Variants in TTYH1 observed in about 807,000 individuals in gnomAD.
TTYH1 encodes protein tweety homolog 1.
In TTYH1, 33 loss-of-function variants were observed where a neutral mutation model predicts 61.2. That is an observed-to-expected ratio of 0.54 (90% CI 0.41 to 0.72). The LOEUF (loss-of-function observed/expected upper bound fraction) is 0.72. TTYH1 is among the 30% of genes least tolerant of loss of function. TTYH1 has a pLI of 0.00. For synonymous variants in TTYH1, 308 were observed against 266.4 expected, an observed-to-expected ratio of 1.16 and a Z score of -1.52; for missense variants, 538 against 575.8, an observed-to-expected ratio of 0.93 and a Z score of 0.67.
chr19:54,432,094 G>C (rs148868916), intron 10 of TTYH1: 1 of 152,074 alleles, frequency 6.6e-6, no homozygotes, highest in Non-Finnish European at 1.5e-5. Flanking sequence ...GGTGGTGGGC[G>C]CCTATAATCC....
chr19:54,421,109 C>CG lies in TTYH1; in HGVS notation c.306-163dup, dbSNP rs1378921587. On this transcript the variant is annotated intron_variant, in intron 2 of 13. Transcript: ENST00000376530. This position sits in a 1 kb window ranked among gnomAD's most constrained non-coding sequence, Gnocchi z 4.8. ...GCCTTCCCGTTCCCTTGGCAACCGA[C>CG]GGGGGCCAGGCTGAAGTCGCCCTTT... Among the ~76,000 whole-genome samples the CG allele has an allele frequency of 6.7e-5, 10 of 149,910 alleles. No individual in the cohort carries two copies. Among genetic ancestry groups the CG allele is most frequent in the East Asian group, 6.2e-4 (3 of 4,856 alleles).
intron 4 of TTYH1, among the ~76,000 whole-genome samples, chr19:54,423,746 G>A (rs191884662): frequency 1.3e-4 from 20 of 152,158 alleles, no homozygotes; most frequent in Non-Finnish European, 2.4e-4. Flanking sequence ...CCCGGTGGCG[G>A]GCCGGGCAGT....
intron 10 of TTYH1, among the ~76,000 whole-genome samples, chr19:54,433,935 A>T (rs531074134): frequency 6.6e-5 from 10 of 152,100 alleles, no homozygotes; most frequent in Admixed American, 5.9e-4. Context: ...GTGAGGATGA[A>T]GGACAGTGTG....
In TTYH1 at chr19:54,419,854, G is replaced by A. The variant is rs1002492392; in HGVS notation, c.305+548G>A. On this transcript the variant is annotated intron_variant, in intron 2 of 13. Coordinates refer to ENST00000376530, the MANE Select transcript of TTYH1 (RefSeq NM_020659.4). The surrounding 1 kb of genome is among the most constrained non-coding windows in gnomAD (Gnocchi z 6.1). ...GACCAAGCCAGGCAAGGAGCCCCTC[G>A]TGCAGCTTATGTTCTAATCAGGGAG... 8.5e-5 allele frequency among the ~76,000 whole-genome samples: 13 copies of A among 152,262 alleles called. No homozygotes were observed. Among genetic ancestry groups the A allele is most frequent in the African/African-American group, 1.2e-4 (5 of 41,540 alleles).
At chr19:54,435,899 G>C in intron 12 of TTYH1, 26 bp downstream of exon 12, 1 of 1,612,014 alleles carries the variant, frequency 6.2e-7, no homozygotes, top group South Asian at 1.1e-5. Flanking sequence ...GTCTGAGGGA[G>C]GAGGGGCGGG....
chr19:54,429,404 G>T lies in TTYH1; in HGVS notation c.807+25G>T. ...GGTGAGTGCCAGGGCCGGGCCATTGGGCTCTGGGACTCAGGGGGCCTGGAG... is the reference window on the plus strand; with the variant it reads ...GGTGAGTGCCAGGGCCGGGCCATTGTGCTCTGGGACTCAGGGGGCCTGGAG... On this transcript the variant is annotated intron_variant, in intron 6 of 13. Transcript: ENST00000376530. The surrounding 1 kb of genome is among the most constrained non-coding windows in gnomAD (Gnocchi z 5.1). The T allele has an allele frequency of 1.2e-6, 2 of 1,610,696 alleles. No individual in the cohort carries two copies. The highest frequency in any genetic ancestry group is 2.7e-5 in the African/African-American group (2 of 74,980).
At position 54,419,355 on chromosome 19, in the gene TTYH1, C is replaced by A; in HGVS notation, c.305+49C>A. The stretch of plus-strand genomic sequence containing the variant: ...GGCGGTGGGGACAGGGCTCCCCAAG[C>A]TCTTTGCTGGCCTTCCTGGGGGTGT... On this transcript the variant is annotated intron_variant, in intron 2 of 13. Coordinates refer to ENST00000376530, the MANE Select transcript of TTYH1 (RefSeq NM_020659.4). This position sits in a 1 kb window ranked among gnomAD's most constrained non-coding sequence, Gnocchi z 6.1. 1 of 1,550,628 alleles carries A rather than the reference C, an allele frequency of 6.4e-7. No homozygotes were observed. The highest frequency in any genetic ancestry group is 1.8e-5 in the Admixed American group (1 of 54,538).
chr19:54,435,883 G>T lies in TTYH1; in HGVS notation c.1314+10G>T. ...CCCTTTCAACCCTCAGGTACTGGAT[G>T]CCTGGGTCTGAGGGAGGAGGGGCGG... On this transcript the variant is annotated intron_variant, in intron 12 of 13. Coordinates refer to ENST00000376530, the MANE Select transcript of TTYH1 (RefSeq NM_020659.4). The T allele has an allele frequency of 6.2e-7, 1 of 1,613,694 alleles. No homozygotes were observed. The highest frequency in any genetic ancestry group is 1.1e-5 in the South Asian group (1 of 90,992).
At chr19:54,424,248 G>A (rs376007983) in intron 4 of TTYH1, among the ~76,000 whole-genome samples, 2 of 152,168 alleles carry the variant, frequency 1.3e-5, no homozygotes, top group East Asian at 1.9e-4. Context: ...GGCATTTGGA[G>A]GAGAGGAGGC....
Position 54,416,164 on chromosome 19 carries a change from G to C in TTYH1, c.126+486G>C. 1 of 997,552 alleles carries C rather than the reference G, an allele frequency of 1.0e-6. No individual in the cohort carries two copies. The highest frequency in any genetic ancestry group is 1.4e-6 in the Non-Finnish European group (1 of 712,322). The allele number at this position is 997,552 out of a possible 1,614,324, so 61.8% of individuals were successfully genotyped here. ...TGCTGCGGTGCTGGGATGGGATTGA[G>C]AGTCTGAAATGGGGAAGGGGGCTTC... On this transcript the variant is annotated intron_variant, in intron 1 of 13. Transcript: ENST00000376530. This position sits in a 1 kb window ranked among gnomAD's most constrained non-coding sequence, Gnocchi z 7.0.
chr19:54,421,271 G>A lies in TTYH1; in HGVS notation c.306-6G>A, dbSNP rs202113857. ...CTGAGATTCCTCTCCCTCCTCCTCC[G>A]CTCAGCACTGGCATTGGCATCGGTT... is the stretch of plus-strand genomic sequence containing the variant. On this transcript the variant is annotated splice_region_variant and splice_polypyrimidine_tract_variant and intron_variant, in intron 2 of 13. Coordinates refer to ENST00000376530, the MANE Select transcript of TTYH1 (RefSeq NM_020659.4). The surrounding 1 kb of genome is among the most constrained non-coding windows in gnomAD (Gnocchi z 4.8). 24 of 1,601,922 alleles carry A rather than the reference G, an allele frequency of 1.5e-5. No homozygotes were observed. The highest frequency in any genetic ancestry group is 5.5e-5 in the South Asian group (5 of 90,864).
Position 54,420,233 on chromosome 19 carries a change from G to GA in TTYH1, c.305+927_305+928insA, listed in dbSNP as rs1460281138. Among the ~76,000 whole-genome samples the GA allele has an allele frequency of 6.6e-6, 1 of 152,206 alleles. No homozygotes were observed. The highest frequency in any genetic ancestry group is 1.5e-5 in the Non-Finnish European group (1 of 68,034). On this transcript the variant is annotated intron_variant, in intron 2 of 13. Coordinates refer to ENST00000376530, the MANE Select transcript of TTYH1 (RefSeq NM_020659.4). The surrounding 1 kb of genome is among the most constrained non-coding windows in gnomAD (Gnocchi z 4.8). ...ACAGCAATCCTCTTCCACAGACGGG[G>GA]GGTCCCAGAGGGCCAGACGCCTGCC...
chr19:54,429,403 G>A lies in TTYH1; in HGVS notation c.807+24G>A, dbSNP rs377176442. On this transcript the variant is annotated intron_variant, in intron 6 of 13. Coordinates refer to ENST00000376530, the MANE Select transcript of TTYH1 (RefSeq NM_020659.4). This position sits in a 1 kb window ranked among gnomAD's most constrained non-coding sequence, Gnocchi z 5.1. The stretch of plus-strand genomic sequence containing the variant: ...TGGTGAGTGCCAGGGCCGGGCCATT[G>A]GGCTCTGGGACTCAGGGGGCCTGGA... 71 of 1,610,300 alleles carry A rather than the reference G, an allele frequency of 4.4e-5. No individual in the cohort carries two copies. Among genetic ancestry groups the A allele is most frequent in the Non-Finnish European group, 5.5e-5 (65 of 1,177,354 alleles).
chr19:54,424,590 C>A (rs1472561438), intron 4 of TTYH1, among the ~76,000 whole-genome samples: 1 of 152,216 alleles, frequency 6.6e-6, no homozygotes, highest in African/African-American at 2.4e-5. Context: ...TCAGCTCCTT[C>A]TCCTGGGCGA....
intron 12 of TTYH1, 43 bp downstream of exon 12, chr19:54,435,916 T>C: frequency 6.2e-7 from 1 of 1,604,294 alleles, no homozygotes. Context: ...CGGGGGGTCC[T>C]GAACTCCTGG....
Position 54,436,280 on chromosome 19 carries a change from C to G in TTYH1, c.*43-53C>G, listed in dbSNP as rs983038704. 3.9e-5 allele frequency: 63 copies of G among 1,612,520 alleles called. No homozygotes were observed. Among genetic ancestry groups the G allele is most frequent in the Non-Finnish European group, 5.2e-5 (61 of 1,178,880 alleles). Reference sequence around the variant, plus strand: ...CGTGCCTCCTGCTGGGTGGATCGCACCGGGCAGGCCCTCCAGCCTGCATCA... The same window carrying G: ...CGTGCCTCCTGCTGGGTGGATCGCAGCGGGCAGGCCCTCCAGCCTGCATCA... On this transcript the variant is annotated intron_variant, in intron 13 of 13. Transcript: ENST00000376530. This position sits in a 1 kb window ranked among gnomAD's most constrained non-coding sequence, Gnocchi z 4.3.
chr19:54,430,593 C>T lies in TTYH1; in HGVS notation c.927C>T (p.Asn309=), dbSNP rs1381072508. 1 of 1,614,060 alleles carries T rather than the reference C, an allele frequency of 6.2e-7. No homozygotes were observed. Among genetic ancestry groups the T allele is most frequent in the East Asian group, 2.2e-5 (1 of 44,872 alleles). The change falls in exon 8 of 14, where the codon AAC becomes AAT. Residue 309 remains asparagine (N), a synonymous_variant. Transcript: ENST00000376530. ...TCCTCTGCAACCGGGCCGTCTCCAACCCCTTCCAACAGGTTAGGGCTGCGG... is the reference window on the plus strand; with the variant it reads ...TCCTCTGCAACCGGGCCGTCTCCAATCCCTTCCAACAGGTTAGGGCTGCGG... ...YYLLCNRAVS[N]PFQQRLTLSQ... is the part of the protein sequence containing the mutation.
In TTYH1 at chr19:54,419,392, A is replaced by G; in HGVS notation, c.305+86A>G. ...CTTCCTGGGGGTGTCCTCCGGGGACATGGAGGAAGCAGACAGGAAGGAGGA... is the reference window on the plus strand; with the variant it reads ...CTTCCTGGGGGTGTCCTCCGGGGACGTGGAGGAAGCAGACAGGAAGGAGGA... On this transcript the variant is annotated intron_variant, in intron 2 of 13. Coordinates refer to ENST00000376530, the MANE Select transcript of TTYH1 (RefSeq NM_020659.4). This position sits in a 1 kb window ranked among gnomAD's most constrained non-coding sequence, Gnocchi z 6.1. The G allele has an allele frequency of 1.4e-6, 2 of 1,388,176 alleles. No individual in the cohort carries two copies. Among genetic ancestry groups the G allele is most frequent in the Non-Finnish European group, 2.0e-6 (2 of 1,009,696 alleles). The allele number at this position is 1,388,176 out of a possible 1,614,324, so 86.0% of individuals were successfully genotyped here. A position where few individuals can be genotyped will look rare whatever the true frequency, so the allele number is the denominator to read the frequency against.
At position 54,420,810 on chromosome 19, in the gene TTYH1, G is replaced by A. The variant is rs528324024; in HGVS notation, c.306-467G>A. ...TTAGGAACCCCCAGGAGGTGGGGGCGGAGAACGTCTCAGCACTGAAGGGTT... is the reference window on the plus strand; with the variant it reads ...TTAGGAACCCCCAGGAGGTGGGGGCAGAGAACGTCTCAGCACTGAAGGGTT... On this transcript the variant is annotated intron_variant, in intron 2 of 13. Transcript: ENST00000376530. This position sits in a 1 kb window ranked among gnomAD's most constrained non-coding sequence, Gnocchi z 4.8. 3.4e-4 allele frequency: 61 copies of A among 177,472 alleles called. No individual in the cohort carries two copies. The highest frequency in any genetic ancestry group is 6.4e-4 in the African/African-American group (27 of 41,930). 11.0% of individuals were successfully genotyped at this position (177,472 alleles called of 1,614,324 possible).
Sources: allele counts gnomAD v4.1 joint callset (sites outside exome capture counted in the v4.1 genomes callset), GRCh38; gene constraint gnomAD v4.1.1; non-coding constraint Gnocchi (gnomAD v3.1); transcripts MANE v1.5; gene names NCBI Gene and HGNC (gene_info 2026-07-23, HGNC 2026-07-21).